Variants in OCA2 observed in about 807,000 individuals in gnomAD.
OCA2 encodes the protein OCA2 melanosomal transmembrane protein, also known as P protein.
OCA2 carries 77 observed loss-of-function variants against 100.2 expected under a neutral mutation model. That is an observed-to-expected ratio of 0.77 (90% CI 0.64 to 0.93). The LOEUF (loss-of-function observed/expected upper bound fraction) is 0.93, where lower values mean the gene tolerates loss of function less well. Ranked by LOEUF, OCA2 falls within the 40% of genes least tolerant of loss-of-function variation. The pLI, the probability that OCA2 is intolerant of heterozygous loss-of-function variation, is 0.00. For synonymous variants in OCA2, 432 were observed against 439.2 expected (o/e 0.98, Z 0.21); for missense variants, 1,062 against 1,089.1 (o/e 0.98, Z 0.35).
intron 23 of OCA2, among the ~76,000 whole-genome samples, chr15:27,816,717 C>T (rs1491002644): frequency 6.6e-6 from 1 of 152,178 alleles, no homozygotes; most frequent in Non-Finnish European, 1.5e-5. Flanking sequence ...TGAATTTTCC[C>T]TTGCCCACAT....
At chr15:27,720,824 T>C in the OCA2 span, among the ~76,000 whole-genome samples, 1 of 152,132 alleles carries the variant, frequency 6.6e-6, no homozygotes, top group Non-Finnish European at 1.5e-5. Flanking sequence ...AATAGAATTG[T>C]AAAAGAAGTA....
intron 18 of OCA2, among the ~76,000 whole-genome samples, chr15:27,935,572 T>C (rs977443241): frequency 6.6e-6 from 1 of 152,226 alleles, no homozygotes; most frequent in African/African-American, 2.4e-5. Flanking sequence ...CTCCCGAAGA[T>C]GGACTGGTTT....
the OCA2 span, among the ~76,000 whole-genome samples, chr15:27,729,611 C>G: frequency 4.6e-5 from 7 of 152,258 alleles, no homozygotes; most frequent in East Asian, 1.4e-3. Flanking sequence ...AACAGGGTCT[C>G]CCTACTTCTC....
intron 23 of OCA2, among the ~76,000 whole-genome samples, chr15:27,825,343 C>T (rs879553606): frequency 1.3e-5 from 2 of 152,182 alleles, no homozygotes; most frequent in South Asian, 2.1e-4. Context: ...AGGGCTCCCC[C>T]CTTGTAGACA....
At chr15:27,952,312 T>C (rs143905469) in intron 17 of OCA2, among the ~76,000 whole-genome samples, 1,540 of 152,308 alleles carry the variant, frequency 0.01, 28 homozygotes, top group African/African-American at 0.035. Flanking sequence ...ACGACATGCA[T>C]GAGGCCCCTG....
chr15:27,871,027 C>A, intron 21 of OCA2, 127 bp downstream of exon 21: 1 of 764,572 alleles, frequency 1.3e-6, no homozygotes, highest in South Asian at 1.5e-5. Flanking sequence ...TGCTCACTTT[C>A]GTCCTCTACA....
chr15:27,770,783 TTC>T (rs2031691484), intron 23 of OCA2, among the ~76,000 whole-genome samples: 3 of 54,624 alleles, frequency 5.5e-5, no homozygotes, highest in Admixed American at 1.5e-4. Flanking sequence ...CCTTCCATCC[TTC>T]CTTCCTCCCT....
chr15:27,924,421 C>T (rs2038973779), intron 19 of OCA2, among the ~76,000 whole-genome samples: 1 of 151,672 alleles, frequency 6.6e-6, no homozygotes, highest in Admixed American at 6.6e-5. Flanking sequence ...TTTCTTTTTT[C>T]TCTTAATATA....
At chr15:27,903,910 C>G (rs1027627598) in intron 19 of OCA2, among the ~76,000 whole-genome samples, 1 of 152,166 alleles carries the variant, frequency 6.6e-6, no homozygotes, top group Non-Finnish European at 1.5e-5. Context: ...CTTCTTTTCT[C>G]ATTAGAATAA....
Position 28,081,822 on chromosome 15 carries a change from T to C in OCA2, c.53A>G (p.Glu18Gly), listed in dbSNP as rs747007633. ...GRRYPGAPAV[E>G]LLQTSVPSGL... ...GCTGGGCACGGACGTCTGCAGGAGC[T>C]CCACCGCCGGCGCGCCGGGGTACCG... is the stretch of plus-strand genomic sequence containing the variant. Residue 18 changes from glutamate (E) to glycine (G), a missense_variant, in exon 2 of 24, where the codon GAG (glutamate) becomes GGG (glycine). Coordinates refer to ENST00000354638, the MANE Select transcript of OCA2 (RefSeq NM_000275.3). 6.2e-7 allele frequency: 1 copy of C among 1,611,912 alleles called. No individual in the cohort carries two copies. Among genetic ancestry groups the C allele is most frequent in the Non-Finnish European group, 8.5e-7 (1 of 1,179,782 alleles).
intron 3 of OCA2, among the ~76,000 whole-genome samples, chr15:28,030,863 T>A (rs938971647): frequency 1.3e-5 from 2 of 152,258 alleles, no homozygotes; most frequent in African/African-American, 4.8e-5. Flanking sequence ...AAGAGTCACA[T>A]AAAAGGCAGC....
chr15:27,730,606 T>C, the OCA2 span, among the ~76,000 whole-genome samples: 2 of 151,754 alleles, frequency 1.3e-5, no homozygotes, highest in African/African-American at 4.8e-5. Flanking sequence ...GCAGCCAGCC[T>C]CCATCCTACA....
intron 20 of OCA2, 71 bp downstream of exon 20, chr15:27,871,788 CTTTT>C: frequency 2.3e-6 from 2 of 869,112 alleles, no homozygotes; most frequent in Non-Finnish European, 3.5e-6. Context: ...TACCAGAGTG[CTTTT>C]TTTTTTTAAT....
rs2042925057 is a variant in OCA2 at position 28,032,176 on chromosome 15, G to A, written c.228-13C>T. The A allele has an allele frequency of 6.3e-7, 1 of 1,582,904 alleles. No individual in the cohort carries two copies. The highest frequency in any genetic ancestry group is 8.7e-7 in the Non-Finnish European group (1 of 1,151,636). On this transcript the variant is annotated splice_polypyrimidine_tract_variant and intron_variant, in intron 2 of 23. Transcript: ENST00000354638. ...AGAAGAGTGAGACCTGAAAGAGACAGGGTAGGAAACAGAATCACCAACACA... is the reference window on the plus strand; with the variant it reads ...AGAAGAGTGAGACCTGAAAGAGACAAGGTAGGAAACAGAATCACCAACACA...
intron 2 of OCA2, among the ~76,000 whole-genome samples, chr15:28,071,744 C>T (rs533627773): frequency 6.6e-6 from 1 of 152,334 alleles, no homozygotes. Flanking sequence ...GGACCCCTAC[C>T]TTTCACCATT....
chr15:27,968,869 G>C (rs919649136), intron 14 of OCA2, among the ~76,000 whole-genome samples: 3 of 152,018 alleles, frequency 2.0e-5, no homozygotes, highest in Non-Finnish European at 4.4e-5. Flanking sequence ...TCTTCAATGG[G>C]GGTATTACAT....
chr15:27,746,683 G>C, the OCA2 span, among the ~76,000 whole-genome samples: 1 of 152,182 alleles, frequency 6.6e-6, no homozygotes, highest in East Asian at 1.9e-4. Flanking sequence ...GATCTGGGGT[G>C]TTCTCCTATG....
intron 21 of OCA2, among the ~76,000 whole-genome samples, chr15:27,855,860 G>A (rs928024950): frequency 6.6e-6 from 1 of 152,216 alleles, no homozygotes; most frequent in Non-Finnish European, 1.5e-5. Context: ...ATCTACCTCT[G>A]CCTAAAGGAT....
At chr15:27,930,016 G>C (rs2039188874) in intron 18 of OCA2, among the ~76,000 whole-genome samples, 1 of 152,074 alleles carries the variant, frequency 6.6e-6, no homozygotes, top group African/African-American at 2.4e-5. Flanking sequence ...GAAGGAACAG[G>C]AACTTTCAAG....
Sources: allele counts gnomAD v4.1 joint callset (sites outside exome capture counted in the v4.1 genomes callset), GRCh38; gene constraint gnomAD v4.1.1; transcripts MANE v1.5; gene names NCBI Gene and HGNC (gene_info 2026-07-23, HGNC 2026-07-21).